Variants in ADCY5 observed in about 807,000 individuals in gnomAD.
ADCY5 encodes the protein adenylate cyclase 5.
ADCY5 carries 30 observed loss-of-function variants against 119.7 expected under a neutral mutation model. That is an observed-to-expected ratio of 0.25 (90% CI 0.19 to 0.34). ADCY5 has a LOEUF of 0.34. Ranked by LOEUF, ADCY5 falls within the 10% of genes least tolerant of loss-of-function variation. ADCY5 has a pLI of 1.00. For missense variants in ADCY5, 1,324 were observed against 1,775.2 expected, an observed-to-expected ratio of 0.75 and a Z score of 4.57; for synonymous variants, 753 against 762.2, an observed-to-expected ratio of 0.99 and a Z score of 0.20.
At chr3:123,390,084 A>G (rs1944359991) in intron 1 of ADCY5, among the ~76,000 whole-genome samples, 1 of 152,174 alleles carries the variant, frequency 6.6e-6, no homozygotes, top group Non-Finnish European at 1.5e-5. Context: ...CCAATCCCTG[A>G]GCCATCACGA....
chr3:123,417,439 G>C (rs149462025), intron 1 of ADCY5, among the ~76,000 whole-genome samples: 2 of 152,376 alleles, frequency 1.3e-5, no homozygotes, highest in African/African-American at 4.8e-5. Flanking sequence ...TCCCCAGAGA[G>C]AACATTACCT....
chr3:123,441,934 A>C (rs1266334013), intron 1 of ADCY5, among the ~76,000 whole-genome samples: 1 of 151,900 alleles, frequency 6.6e-6, no homozygotes, highest in Non-Finnish European at 1.5e-5. Context: ...CAATGCTGTA[A>C]AGAGAGATCT....
At chr3:123,297,153 G>C in intron 16 of ADCY5, 200 bp downstream of exon 16, 1 of 1,399,712 alleles carries the variant, frequency 7.1e-7, no homozygotes, top group Non-Finnish European at 9.8e-7. Flanking sequence ...ACCTTGGCAG[G>C]GATCATGAAA....
At position 123,289,968 on chromosome 3, in the gene ADCY5, G is replaced by T. The variant is rs200511297; in HGVS notation, c.3328-14C>A. The T allele has an allele frequency of 1.9e-6, 3 of 1,613,302 alleles. No homozygotes were observed. Among genetic ancestry groups the T allele is most frequent in the South Asian group, 1.1e-5 (1 of 90,930 alleles). On this transcript the variant is annotated splice_polypyrimidine_tract_variant and intron_variant, in intron 18 of 20. Coordinates refer to ENST00000462833, the MANE Select transcript of ADCY5 (RefSeq NM_183357.3). ...CTCGCTGATGATCTGGATGAAGGAG[G>T]CCAAACCTGGGTCACCCCAAGCCTG...
chr3:123,437,059 A>G (rs980156616), intron 1 of ADCY5, among the ~76,000 whole-genome samples: 1 of 152,096 alleles, frequency 6.6e-6, no homozygotes, highest in African/African-American at 2.4e-5. Flanking sequence ...TTAGGAGGGG[A>G]GTAGGGGAGT....
At chr3:123,396,437 G>C (rs556921519) in intron 1 of ADCY5, among the ~76,000 whole-genome samples, 1 of 126,440 alleles carries the variant, frequency 7.9e-6, no homozygotes, top group African/African-American at 3.0e-5. Flanking sequence ...GAGGGAAAGA[G>C]AAAGGAAGGA....
At chr3:123,356,937 T>C (rs1947509) in intron 1 of ADCY5, among the ~76,000 whole-genome samples, 151,224 of 152,268 alleles carry the variant, frequency 0.99, 75,111 homozygotes, top group East Asian at 1. Flanking sequence ...ATCACTGATA[T>C]GTACAACATG....
chr3:123,328,110 C>A (rs777893169), intron 6 of ADCY5, among the ~76,000 whole-genome samples: 1 of 152,008 alleles, frequency 6.6e-6, no homozygotes, highest in African/African-American at 2.4e-5. Flanking sequence ...TCCAAATTCA[C>A]GAGCCTGGCA....
At chr3:123,358,014 G>C (rs147264585) in intron 1 of ADCY5, among the ~76,000 whole-genome samples, 1 of 152,292 alleles carries the variant, frequency 6.6e-6, no homozygotes, top group East Asian at 1.9e-4. Flanking sequence ...CCCTGTCCTT[G>C]TGTAAAGGAC....
intron 1 of ADCY5, among the ~76,000 whole-genome samples, chr3:123,433,273 T>C (rs1327088896): frequency 6.6e-6 from 1 of 152,198 alleles, no homozygotes; most frequent in Non-Finnish European, 1.5e-5. Flanking sequence ...CCTGTCCCTC[T>C]GCAGCCTGCT....
At chr3:123,399,528 G>A (rs114366561) in intron 1 of ADCY5, among the ~76,000 whole-genome samples, 2,622 of 151,538 alleles carry the variant, frequency 0.017, 75 homozygotes, top group African/African-American at 0.06. Context: ...TTTTTACTGT[G>A]GTAAAAAACA....
intron 3 of ADCY5, among the ~76,000 whole-genome samples, chr3:123,334,090 G>A (rs1454864573): frequency 6.6e-6 from 1 of 152,140 alleles, no homozygotes; most frequent in Non-Finnish European, 1.5e-5. Flanking sequence ...ACCAGAATCT[G>A]TAAGGGCCCC....
intron 1 of ADCY5, among the ~76,000 whole-genome samples, chr3:123,383,730 G>A (rs1147742): frequency 5.9e-5 from 9 of 152,208 alleles, no homozygotes; most frequent in Admixed American, 1.3e-4. Flanking sequence ...GCAACCCAGA[G>A]GGAAAGGAAA....
At chr3:123,361,214 G>T in intron 1 of ADCY5, among the ~76,000 whole-genome samples, 1 of 152,086 alleles carries the variant, frequency 6.6e-6, no homozygotes, top group East Asian at 1.9e-4. Context: ...TTCAATGAAT[G>T]TCCTCCGGGG....
chr3:123,421,289 G>A (rs58776000), intron 1 of ADCY5, among the ~76,000 whole-genome samples: 44,619 of 152,030 alleles, frequency 0.29, 6,657 homozygotes, highest in Admixed American at 0.36. Flanking sequence ...CTGAGAAGTA[G>A]GTTACTTTTA....
intron 15 of ADCY5, among the ~76,000 whole-genome samples, chr3:123,297,784 G>A (rs1270168908): frequency 6.6e-6 from 1 of 152,222 alleles, no homozygotes; most frequent in African/African-American, 2.4e-5. Context: ...TCAACATGGG[G>A]CTGGTGCAAG....
At chr3:123,358,402 C>A (rs1225447906) in intron 1 of ADCY5, among the ~76,000 whole-genome samples, 1 of 152,070 alleles carries the variant, frequency 6.6e-6, no homozygotes, top group East Asian at 1.9e-4. Context: ...TCCAGGAATT[C>A]AAGACCAGCC....
At chr3:123,356,105 A>G (rs749603450) in intron 1 of ADCY5, among the ~76,000 whole-genome samples, 3 of 152,204 alleles carry the variant, frequency 2.0e-5, no homozygotes, top group Non-Finnish European at 2.9e-5. Flanking sequence ...ATGCAAAAGA[A>G]TGAAGCTGGA....
intron 17 of ADCY5, among the ~76,000 whole-genome samples, chr3:123,294,932 A>G (rs116070234): frequency 0.02 from 2,997 of 152,282 alleles, 94 homozygotes; most frequent in African/African-American, 0.064. Context: ...AGAAGAGGGG[A>G]TTGAGGAAGA....
Sources: gnomAD v4.1 joint callset for allele counts (sites outside exome capture counted in the v4.1 genomes callset) on GRCh38, gnomAD v4.1.1 for gene constraint, MANE v1.5 for transcripts, NCBI Gene and HGNC (gene_info 2026-07-23, HGNC 2026-07-21) for gene names.